YES1: variants seen among roughly 807,000 people sequenced by gnomAD.
YES1 encodes the protein YES proto-oncogene 1, Src family tyrosine kinase.
In YES1, 39 loss-of-function variants were observed where a neutral mutation model predicts 70.4. That is an observed-to-expected ratio of 0.55 (90% CI 0.43 to 0.72). The LOEUF (loss-of-function observed/expected upper bound fraction) is 0.72, where lower values mean the gene tolerates loss of function less well. YES1 is among the 30% of genes least tolerant of loss of function. The probability of loss-of-function intolerance (pLI) is 0.00; values close to 1 mark genes in which losing one functional copy is unlikely to be tolerated. For synonymous variants in YES1, 198 were observed against 218.6 expected (o/e 0.91, Z 0.83); for missense variants, 495 against 644.8 (o/e 0.77, Z 2.52).
Position 739,733 on chromosome 18 carries a change from A to G in YES1, c.1137+2T>C. 1.2e-6 allele frequency: 2 copies of G among 1,609,032 alleles called. No homozygotes were observed. The highest frequency in any genetic ancestry group is 1.7e-6 in the Non-Finnish European group (2 of 1,177,138). ...AATGGATACATGTATATATACAGAT[A>G]CCTGAGCAGCCATATCAACCAGCTG... On this transcript the variant is annotated splice_donor_variant, in intron 9 of 11. Transcript: ENST00000314574. LOFTEE classifies it high-confidence loss of function.
In YES1 at chr18:756,427, G is replaced by A. The variant is rs553069061; in HGVS notation, c.271+130C>T. The A allele has an allele frequency of 3.4e-5, 43 of 1,250,264 alleles. 1 individual carries two copies. The highest frequency in any genetic ancestry group is 3.2e-4 in the South Asian group (21 of 65,114). The allele number at this position is 1,250,264 out of a possible 1,614,324, so 77.4% of individuals were successfully genotyped here. ...AAAACTAATTTTTATGTTAGAGACTGATTTTCACATACAATTATTTGAAAA... is the reference window on the plus strand; with the variant it reads ...AAAACTAATTTTTATGTTAGAGACTAATTTTCACATACAATTATTTGAAAA... On this transcript the variant is annotated intron_variant, in intron 2 of 11. Coordinates refer to ENST00000314574, the MANE Select transcript of YES1 (RefSeq NM_005433.4).
chr18:777,536 T>C (rs1381524291), intron 1 of YES1, among the ~76,000 whole-genome samples: 4 of 152,170 alleles, frequency 2.6e-5, no homozygotes, highest in South Asian at 2.1e-4. Context: ...GCCGGGTGCA[T>C]TGGCTCACGC....
intron 1 of YES1, among the ~76,000 whole-genome samples, chr18:795,514 TC>T: frequency 6.6e-6 from 1 of 152,056 alleles, no homozygotes; most frequent in Non-Finnish European, 1.5e-5. Flanking sequence ...CATATCCCCA[TC>T]AATGATAGAC....
At chr18:757,032 C>T (rs2080416376) in intron 1 of YES1, among the ~76,000 whole-genome samples, 197 bp from the exon 2 acceptor site, 1 of 152,204 alleles carries the variant, frequency 6.6e-6, no homozygotes, top group African/African-American at 2.4e-5. Context: ...AGCCCTACTC[C>T]AATCGCTTCA....
rs1475793279 is a variant in YES1 at position 723,790 on chromosome 18, A to C, written c.*634T>G. 4 of 152,716 alleles carry C rather than the reference A, an allele frequency of 2.6e-5. No homozygotes were observed. The highest frequency in any genetic ancestry group is 9.6e-5 in the African/African-American group (4 of 41,460). The allele number at this position is 152,716 out of a possible 1,614,324, so 9.5% of individuals were successfully genotyped here. ...TTCAGTTCCATGAACATGAATATTA[A>C]TGTACTGCATTATACTTTCAAATTC... is the stretch of plus-strand genomic sequence containing the variant. On this transcript the variant is annotated 3_prime_UTR_variant, in exon 12 of 12. Transcript: ENST00000314574.
intron 1 of YES1, among the ~76,000 whole-genome samples, chr18:804,047 T>A (rs1906958082): frequency 6.6e-6 from 1 of 152,228 alleles, no homozygotes; most frequent in Admixed American, 6.5e-5. Flanking sequence ...GAAAATCTAT[T>A]TTACAAACCT....
chr18:750,896 C>T (rs1204985436), intron 3 of YES1, among the ~76,000 whole-genome samples: 4 of 152,114 alleles, frequency 2.6e-5, no homozygotes, highest in African/African-American at 9.7e-5. Flanking sequence ...GAAACTCCAG[C>T]GTACTCAGAA....
chr18:726,619 A>G (rs1484458040), intron 11 of YES1, among the ~76,000 whole-genome samples: 1 of 150,642 alleles, frequency 6.6e-6, no homozygotes, highest in Non-Finnish European at 1.5e-5. Flanking sequence ...CTCTCTACTA[A>G]AAATATAAAA....
intron 1 of YES1, among the ~76,000 whole-genome samples, chr18:788,727 C>T (rs1040240506): frequency 2.6e-5 from 4 of 152,160 alleles, no homozygotes; most frequent in Non-Finnish European, 4.4e-5. Flanking sequence ...TGAGACCGGC[C>T]TGGCCAATTT....
At chr18:786,493 C>CCA (rs1555690469) in intron 1 of YES1, among the ~76,000 whole-genome samples, 2 of 61,156 alleles carry the variant, frequency 3.3e-5, no homozygotes, top group Admixed American at 3.5e-4. Context: ...ATTAATAAGT[C>CCA]CATACACACA....
chr18:725,592 T>C (rs193249421), intron 11 of YES1, among the ~76,000 whole-genome samples: 27 of 152,304 alleles, frequency 1.8e-4, no homozygotes, highest in African/African-American at 5.5e-4. Context: ...ACTGTCATCT[T>C]CATAAGTGAA....
Position 762,855 on chromosome 18 carries a change from T to A in YES1, c.-8-6020A>T, listed in dbSNP as rs549159053. 1.3e-4 allele frequency among the ~76,000 whole-genome samples: 20 copies of A among 152,286 alleles called. 1 individual carries two copies. Among genetic ancestry groups the A allele is most frequent in the South Asian group, 1.0e-3 (5 of 4,826 alleles). ...TTTTCATTAAAAGGTCACAAATGTA[T>A]GAAACAAATACAACACTGTACAATG... On this transcript the variant is annotated intron_variant, in intron 1 of 11. Transcript: ENST00000314574.
At position 751,719 on chromosome 18, in the gene YES1, T is replaced by C. The variant is rs751039554; in HGVS notation, c.357A>G (p.Gln119=). ...ATGACACTTACGTATTGTTAATTAT[T>C]TGAAATCTTTCACCCTTCTTAAATG... ...DLSFKKGERF[Q]IINNTEGDWW... is the part of the protein sequence containing the mutation. Residue 119 remains glutamine, a synonymous_variant, in exon 3 of 12, where the codon CAA becomes CAG. Transcript: ENST00000314574. 5.1e-6 allele frequency: 8 copies of C among 1,578,486 alleles called. No homozygotes were observed. Among genetic ancestry groups the C allele is most frequent in the Non-Finnish European group, 7.0e-6 (8 of 1,149,910 alleles).
chr18:778,812 T>G (rs1449321139), intron 1 of YES1, among the ~76,000 whole-genome samples: 1 of 152,108 alleles, frequency 6.6e-6, no homozygotes. Context: ...AGAGAAAACA[T>G]AGGCAGAGAG....
In YES1 at chr18:770,109, G is replaced by A. The variant is rs1032201182; in HGVS notation, c.-8-13274C>T. 4.6e-5 allele frequency among the ~76,000 whole-genome samples: 7 copies of A among 151,796 alleles called. 1 individual carries two copies. Among genetic ancestry groups the A allele is most frequent in the Admixed American group, 3.3e-4 (5 of 15,232 alleles). The stretch of plus-strand genomic sequence containing the variant: ...CAAGTAGCTGGCAGTACAGGCACGC[G>A]CCACCACACCCAGTTAATTTTTGTA... On this transcript the variant is annotated intron_variant, in intron 1 of 11. Transcript: ENST00000314574.
At chr18:800,057 A>G (rs918634390) in intron 1 of YES1, among the ~76,000 whole-genome samples, 9 of 152,258 alleles carry the variant, frequency 5.9e-5, no homozygotes, top group African/African-American at 2.2e-4. Context: ...ATCAAACCTT[A>G]GTTTCTCCAT....
chr18:807,696 C>T (rs1022716208), intron 1 of YES1, among the ~76,000 whole-genome samples: 1 of 152,068 alleles, frequency 6.6e-6, no homozygotes, highest in Non-Finnish European at 1.5e-5. Flanking sequence ...AAAGAAAGAA[C>T]AAAAGGAAAA....
chr18:782,311 A>C (rs1165861003), intron 1 of YES1, among the ~76,000 whole-genome samples: 3 of 152,156 alleles, frequency 2.0e-5, no homozygotes, highest in African/African-American at 7.2e-5. Flanking sequence ...GAGGAACCAT[A>C]AAATATCAAT....
chr18:729,619 CTTTTTTTTTTTTT>C (rs869223956), intron 11 of YES1, among the ~76,000 whole-genome samples: 1 of 75,384 alleles, frequency 1.3e-5, no homozygotes, highest in African/African-American at 5.9e-5. Flanking sequence ...TGATTTTGAA[CTTTTTTTTTTTTT>C]TTTTTTTTTT....
Sources: gnomAD v4.1 joint callset for allele counts (sites outside exome capture counted in the v4.1 genomes callset) on GRCh38, gnomAD v4.1.1 for gene constraint, MANE v1.5 for transcripts, NCBI Gene and HGNC (gene_info 2026-07-23, HGNC 2026-07-21) for gene names.